The following CNBD1 variants were observed in gnomAD, a reference collection of about 807,000 sequenced individuals.
The protein encoded by CNBD1 is cyclic nucleotide binding domain containing 1, also known as cyclic nucleotide-binding domain-containing protein 1.
A neutral mutation model predicts 54.4 loss-of-function variants in CNBD1; 71 were observed. The observed-to-expected ratio is 1.30, with a 90% CI of 1.08 to 1.59. CNBD1 has a LOEUF of 1.59. CNBD1 is among the 40% of genes most tolerant of loss of function. The pLI, the probability that CNBD1 is intolerant of heterozygous loss-of-function variation, is 0.00. For synonymous variants in CNBD1, 182 were observed against 170.7 expected (o/e 1.07, Z -0.51); for missense variants, 659 against 518.0 (o/e 1.27, Z -2.64).
chr8:87,418,592 AG>A (rs1807874881), intron 2 of CNBD1, among the ~76,000 whole-genome samples: 1 of 151,988 alleles, frequency 6.6e-6, no homozygotes, highest in Non-Finnish European at 1.5e-5. Flanking sequence ...AAAAGGAAAA[AG>A]TATTCACAAA....
intron 3 of CNBD1, among the ~76,000 whole-genome samples, chr8:86,930,338 A>G (rs1001370972): frequency 1.3e-5 from 2 of 152,152 alleles, no homozygotes; most frequent in African/African-American, 4.8e-5. Flanking sequence ...GATTAGCTAG[A>G]AAGGTCAAGA....
At chr8:87,306,032 C>A (rs577034679) in intron 8 of CNBD1, among the ~76,000 whole-genome samples, 1 of 152,216 alleles carries the variant, frequency 6.6e-6, no homozygotes, top group South Asian at 2.1e-4. Flanking sequence ...TATCCAGAAT[C>A]TACAACAAAC....
At chr8:87,226,449 C>T (rs1365714682) in intron 5 of CNBD1, among the ~76,000 whole-genome samples, 1 of 148,962 alleles carries the variant, frequency 6.7e-6, no homozygotes, top group African/African-American at 2.5e-5. Flanking sequence ...TGTCTTTGTT[C>T]TCGTTGGTTT....
At chr8:87,245,885 G>A (rs72665067) in intron 6 of CNBD1, among the ~76,000 whole-genome samples, 2,719 of 151,368 alleles carry the variant, frequency 0.018, 40 homozygotes, top group Non-Finnish European at 0.029. Context: ...CTTTATTGAT[G>A]TTTGCTTTCC....
intron 6 of CNBD1, among the ~76,000 whole-genome samples, chr8:87,240,285 TGTTA>T (rs1213163570): frequency 1.2e-4 from 18 of 152,266 alleles, no homozygotes; most frequent in African/African-American, 3.8e-4. Flanking sequence ...CTTTCTAGTT[TGTTA>T]AAGTAGTTTT....
intron 8 of CNBD1, among the ~76,000 whole-genome samples, chr8:87,312,018 G>A (rs1809276551): frequency 6.6e-6 from 1 of 151,906 alleles, no homozygotes; most frequent in African/African-American, 2.4e-5. Flanking sequence ...CTAGCTGACA[G>A]GATCAATTGT....
intron 2 of CNBD1, among the ~76,000 whole-genome samples, chr8:87,389,845 C>A (rs1191738039): frequency 2.0e-5 from 3 of 152,172 alleles, no homozygotes; most frequent in African/African-American, 7.2e-5. Flanking sequence ...TGACTTCAAA[C>A]TATACTACAA....
At chr8:86,882,375 ATT>A (rs1285571344) in intron 1 of CNBD1, among the ~76,000 whole-genome samples, 1 of 152,216 alleles carries the variant, frequency 6.6e-6, no homozygotes, top group Non-Finnish European at 1.5e-5. Context: ...ATGAACAGAC[ATT>A]TCTCAAAAGA....
chr8:87,232,766 T>A (rs1357752280), intron 5 of CNBD1, among the ~76,000 whole-genome samples: 1 of 152,124 alleles, frequency 6.6e-6, no homozygotes, highest in Non-Finnish European at 1.5e-5. Flanking sequence ...TGAGTAAAGA[T>A]AATGGTTTCA....
At chr8:86,885,459 C>G (rs895460433) in intron 1 of CNBD1, among the ~76,000 whole-genome samples, 4 of 152,106 alleles carry the variant, frequency 2.6e-5, no homozygotes, top group Admixed American at 2.6e-4. Context: ...AGGGTTAAGT[C>G]TTTTCTGCTT....
chr8:86,976,179 G>T (rs1011766821), intron 4 of CNBD1, among the ~76,000 whole-genome samples: 2 of 121,092 alleles, frequency 1.7e-5, no homozygotes, highest in Admixed American at 9.2e-5. Flanking sequence ...TGTGGGTTGT[G>T]CATTGACCTT....
At chr8:87,026,779 T>C (rs923505994) in intron 4 of CNBD1, among the ~76,000 whole-genome samples, 1 of 152,220 alleles carries the variant, frequency 6.6e-6, no homozygotes, top group Non-Finnish European at 1.5e-5. Flanking sequence ...ATAATTTGAA[T>C]TATACGTAGG....
intron 4 of CNBD1, among the ~76,000 whole-genome samples, chr8:87,064,780 A>G (rs1810615937): frequency 2.0e-5 from 3 of 151,850 alleles, no homozygotes; most frequent in African/African-American, 7.2e-5. Flanking sequence ...GTGCCATATT[A>G]TTTATCTTAT....
chr8:87,314,391 A>G (rs182037866), intron 8 of CNBD1, among the ~76,000 whole-genome samples: 34 of 151,998 alleles, frequency 2.2e-4, no homozygotes, highest in African/African-American at 7.9e-4. Flanking sequence ...TATGGCAGCT[A>G]AAAAGGATTT....
At chr8:87,106,813 T>A (rs1163832865) in intron 4 of CNBD1, among the ~76,000 whole-genome samples, 1 of 152,124 alleles carries the variant, frequency 6.6e-6, no homozygotes, top group Non-Finnish European at 1.5e-5. Flanking sequence ...CATCCTGGGC[T>A]GCTTCTGTTT....
chr8:87,237,644 T>C (rs1484531049), intron 6 of CNBD1, among the ~76,000 whole-genome samples: 2 of 152,260 alleles, frequency 1.3e-5, no homozygotes, highest in Admixed American at 1.3e-4. Flanking sequence ...TCTTTCCGAA[T>C]CTCTGGATAC....
intron 2 of CNBD1, among the ~76,000 whole-genome samples, chr8:87,390,373 A>G (rs548879737): frequency 6.6e-6 from 1 of 152,328 alleles, no homozygotes; most frequent in South Asian, 2.1e-4. Flanking sequence ...AATATCCAGA[A>G]TCTACAATGA....
intron 4 of CNBD1, among the ~76,000 whole-genome samples, chr8:86,940,365 C>T (rs900342919): frequency 6.6e-6 from 1 of 152,034 alleles, no homozygotes; most frequent in Admixed American, 6.6e-5. Flanking sequence ...CAGGGTTTCA[C>T]CATGTTGGCC....
At position 87,284,834 on chromosome 8, in the gene CNBD1, T is replaced by C; in HGVS notation, c.909+19T>C. 1 of 1,522,226 alleles carries C rather than the reference T, an allele frequency of 6.6e-7. No individual in the cohort carries two copies. Among genetic ancestry groups the C allele is most frequent in the Non-Finnish European group, 8.8e-7 (1 of 1,130,308 alleles). The allele number at this position is 1,522,226 out of a possible 1,614,324, so 94.3% of individuals were successfully genotyped here. On this transcript the variant is annotated intron_variant, in intron 7 of 10. Transcript: ENST00000518476. ...AAAGGAGGTAAGATGATATCTAATATTTTATATAAACAAAAATTGGGCATA... is the reference window on the plus strand; with the variant it reads ...AAAGGAGGTAAGATGATATCTAATACTTTATATAAACAAAAATTGGGCATA...
Sources: allele counts gnomAD v4.1 joint callset (sites outside exome capture counted in the v4.1 genomes callset), GRCh38; gene constraint gnomAD v4.1.1; transcripts MANE v1.5; gene names NCBI Gene and HGNC (gene_info 2026-07-23, HGNC 2026-07-21).